The following STK38L variants were observed in gnomAD, a reference collection of about 807,000 sequenced individuals.
The protein encoded by STK38L is serine/threonine kinase 38 like, also known as serine/threonine-protein kinase 38-like.
Under a neutral mutation model 59.7 loss-of-function variants are expected in STK38L, and 28 were observed. That is an observed-to-expected ratio of 0.47 (90% CI 0.35 to 0.64). STK38L has a LOEUF of 0.64. STK38L is among the 30% of genes least tolerant of loss of function. The probability of loss-of-function intolerance (pLI) is 0.01; values close to 1 mark genes in which losing one functional copy is unlikely to be tolerated. For synonymous variants in STK38L, 162 were observed against 176.8 expected, an observed-to-expected ratio of 0.92 and a Z score of 0.66; for missense variants, 314 against 555.8, an observed-to-expected ratio of 0.56 and a Z score of 4.37.
At chr12:27,319,635 C>G (rs1944675466) in intron 12 of STK38L, among the ~76,000 whole-genome samples, 1 of 152,186 alleles carries the variant, frequency 6.6e-6, no homozygotes, top group African/African-American at 2.4e-5. Flanking sequence ...CAGGGAAGAA[C>G]ATTGGGAAGC....
intron 1 of STK38L, among the ~76,000 whole-genome samples, chr12:27,255,893 A>T (rs1396231549): frequency 6.6e-6 from 1 of 152,154 alleles, no homozygotes; most frequent in African/African-American, 2.4e-5. Context: ...TTCCATGGAT[A>T]ACTTGGATTC....
Position 27,311,738 on chromosome 12 carries a change from TATAAC to T in STK38L, c.394-806_394-802del, listed in dbSNP as rs546345532. On this transcript the variant is annotated intron_variant, in intron 5 of 13. Transcript: ENST00000389032. The stretch of plus-strand genomic sequence containing the variant: ...TAGAGGTTTTATATTATAACAATAA[TATAAC>T]ATAAAGTTACTATAATTGTTACTAT... 1.4e-3 allele frequency among the ~76,000 whole-genome samples: 210 copies of T among 147,052 alleles called. 1 individual carries two copies. The highest frequency in any genetic ancestry group is 4.3e-3 in the Admixed American group (62 of 14,334).
intron 1 of STK38L, among the ~76,000 whole-genome samples, chr12:27,247,346 T>G (rs940215653): frequency 1.3e-5 from 2 of 152,226 alleles, no homozygotes; most frequent in Non-Finnish European, 2.9e-5. Context: ...GCAATCCATA[T>G]TTTCTCTCCT....
Position 27,312,543 on chromosome 12 carries a change from A to G in STK38L, c.394-6A>G, listed in dbSNP as rs200136083. The G allele has an allele frequency of 8.0e-5, 129 of 1,611,934 alleles. No individual in the cohort carries two copies. The highest frequency in any genetic ancestry group is 7.5e-5 in the Non-Finnish European group (88 of 1,179,556). On this transcript the variant is annotated splice_region_variant and splice_polypyrimidine_tract_variant and intron_variant, in intron 5 of 13. Coordinates refer to ENST00000389032, the MANE Select transcript of STK38L (RefSeq NM_015000.4). ...AATTATTTTTTTCAAAAATATATTC[A>G]TCTAGGTGGCCCATATCCGAGCAGA... is the stretch of plus-strand genomic sequence containing the variant.
At chr12:27,269,982 T>G (rs1196365601) in intron 1 of STK38L, among the ~76,000 whole-genome samples, 1 of 152,208 alleles carries the variant, frequency 6.6e-6, no homozygotes, top group African/African-American at 2.4e-5. Flanking sequence ...TGCTGTTTCT[T>G]TTTTTGAACC....
chr12:27,301,148 A>G (rs944352905), intron 2 of STK38L, among the ~76,000 whole-genome samples: 5 of 152,224 alleles, frequency 3.3e-5, no homozygotes, highest in African/African-American at 1.2e-4. Flanking sequence ...CACTGCCCTT[A>G]CCCCAGATGC....
chr12:27,274,078 C>T (rs1018283293), intron 1 of STK38L, among the ~76,000 whole-genome samples: 1 of 152,010 alleles, frequency 6.6e-6, no homozygotes, highest in African/African-American at 2.4e-5. Flanking sequence ...CATGGTGAAA[C>T]CCCATCTCTA....
intron 2 of STK38L, 27 bp from the exon 3 acceptor site, chr12:27,302,110 A>C (rs771428965): frequency 6.3e-7 from 1 of 1,585,306 alleles, no homozygotes; most frequent in Middle Eastern, 1.7e-4. Flanking sequence ...ATGTATTTAA[A>C]ATTTAATTTT....
chr12:27,297,943 G>A, intron 2 of STK38L, 89 bp downstream of exon 2: 1 of 1,459,352 alleles, frequency 6.9e-7, no homozygotes, highest in South Asian at 1.3e-5. Context: ...TGAATGATAT[G>A]AATATTATGG....
At position 27,308,867 on chromosome 12, in the gene STK38L, T is replaced by A. The variant is rs1007453481; in HGVS notation, c.310-247T>A. 3.2e-5 allele frequency among the ~76,000 whole-genome samples: 4 copies of A among 126,346 alleles called. No homozygotes were observed. Among genetic ancestry groups the A allele is most frequent in the Non-Finnish European group, 7.5e-5 (4 of 53,224 alleles). The allele number at this position is 126,346 out of a possible 152,430, so 82.9% of individuals were successfully genotyped here. On this transcript the variant is annotated intron_variant, in intron 4 of 13. Transcript: ENST00000389032. This position sits in a 1 kb window ranked among gnomAD's most constrained non-coding sequence, Gnocchi z 4.5. Reference sequence around the variant, plus strand: ...GTATGTATATATAAAAAAATATATATAAATATAAATATATATAAATGTAAA... The same window carrying A: ...GTATGTATATATAAAAAAATATATAAAAATATAAATATATATAAATGTAAA...
At chr12:27,293,158 A>T (rs1024616900) in intron 1 of STK38L, among the ~76,000 whole-genome samples, 1 of 152,072 alleles carries the variant, frequency 6.6e-6, no homozygotes, top group Admixed American at 6.5e-5. Flanking sequence ...TGTTGTTTGG[A>T]ATTGTTTTGA....
intron 10 of STK38L, 39 bp from the exon 11 acceptor site, chr12:27,317,857 C>A: frequency 1.2e-6 from 2 of 1,610,358 alleles, no homozygotes; most frequent in Non-Finnish European, 1.7e-6. Context: ...TCACTGCTCA[C>A]AAAGCTGATG....
At chr12:27,274,303 G>T (rs1464300010) in intron 1 of STK38L, among the ~76,000 whole-genome samples, 3 of 151,990 alleles carry the variant, frequency 2.0e-5, no homozygotes, top group East Asian at 1.9e-4. Context: ...AGAAAAAAGG[G>T]TGTCCTGTTG....
At chr12:27,278,596 T>G (rs1396537072) in intron 1 of STK38L, among the ~76,000 whole-genome samples, 3 of 152,212 alleles carry the variant, frequency 2.0e-5, no homozygotes, top group Non-Finnish European at 4.4e-5. Flanking sequence ...CTTAGTTGGC[T>G]TCTTCCAGGT....
chr12:27,247,428 A>T (rs1411147981), intron 1 of STK38L, among the ~76,000 whole-genome samples: 1 of 152,156 alleles, frequency 6.6e-6, no homozygotes, highest in African/African-American at 2.4e-5. Context: ...CTGACATCTA[A>T]ATTTTGGGGT....
intron 1 of STK38L, among the ~76,000 whole-genome samples, chr12:27,279,436 G>A (rs1943605004): frequency 6.6e-6 from 1 of 152,018 alleles, no homozygotes; most frequent in Non-Finnish European, 1.5e-5. Flanking sequence ...TTAAAAAAAT[G>A]TTTGCAGGCT....
intron 1 of STK38L, among the ~76,000 whole-genome samples, chr12:27,271,790 C>A (rs1460517222): frequency 6.6e-6 from 1 of 152,210 alleles, no homozygotes; most frequent in Non-Finnish European, 1.5e-5. Flanking sequence ...TCTTCCGCCT[C>A]ATGAGTTCAA....
chr12:27,277,563 A>T (rs537522397), intron 1 of STK38L, among the ~76,000 whole-genome samples: 51 of 152,280 alleles, frequency 3.3e-4, no homozygotes, highest in African/African-American at 1.1e-3. Context: ...AGAGCTGTCT[A>T]CCCTGAGTAA....
In STK38L at chr12:27,304,194, G is replaced by T. The variant is rs554793693; in HGVS notation, c.186+2006G>T. Among the ~76,000 whole-genome samples the T allele has an allele frequency of 1.1e-4, 16 of 150,666 alleles. No individual in the cohort carries two copies. The East Asian group carries it at 3.1e-3, about 29-fold the overall frequency. Reference sequence around the variant, plus strand: ...GGATCACTTGAGCTCAGAAGGCAGAGGCTGCAGTGAGCTGAGATCATGCCA... The same window carrying T: ...GGATCACTTGAGCTCAGAAGGCAGATGCTGCAGTGAGCTGAGATCATGCCA... On this transcript the variant is annotated intron_variant, in intron 3 of 13. Coordinates refer to ENST00000389032, the MANE Select transcript of STK38L (RefSeq NM_015000.4).
Sources: gnomAD v4.1 joint callset for allele counts (sites outside exome capture counted in the v4.1 genomes callset) on GRCh38, gnomAD v4.1.1 for gene constraint, Gnocchi (gnomAD v3.1) non-coding constraint, MANE v1.5 for transcripts, NCBI Gene and HGNC (gene_info 2026-07-23, HGNC 2026-07-21) for gene names.